ARHGAP28: variants seen among roughly 807,000 people sequenced by gnomAD.
ARHGAP28 encodes the protein Rho GTPase activating protein 28.
ARHGAP28 carries 56 observed loss-of-function variants against 90.7 expected under a neutral mutation model. The ratio of observed to expected loss-of-function variants is 0.62; its 90% CI spans 0.50 to 0.77. The LOEUF is 0.77. Ranked by LOEUF, ARHGAP28 falls within the 30% of genes least tolerant of loss-of-function variation. The pLI is 0.00. For missense variants in ARHGAP28, 869 were observed against 900.9 expected, an observed-to-expected ratio of 0.96 and a Z score of 0.45; for synonymous variants, 308 against 323.3, an observed-to-expected ratio of 0.95 and a Z score of 0.51.
chr18:6,774,640 T>G (rs182738981), intron 1 of ARHGAP28, among the ~76,000 whole-genome samples: 33 of 152,348 alleles, frequency 2.2e-4, no homozygotes, highest in Admixed American at 7.2e-4. Context: ...TACCTAATTT[T>G]AGAAAAATCT....
chr18:6,827,553 A>C (rs1445950011), intron 2 of ARHGAP28, among the ~76,000 whole-genome samples: 11 of 107,724 alleles, frequency 1.0e-4, no homozygotes, highest in Non-Finnish European at 1.3e-4. Context: ...TGACCCCCCC[A>C]CCTCCCTCCC....
intron 7 of ARHGAP28, among the ~76,000 whole-genome samples, chr18:6,871,825 C>T (rs1237206635): frequency 2.6e-5 from 4 of 152,116 alleles, no homozygotes; most frequent in Non-Finnish European, 5.9e-5. Context: ...AAAGGAAGAA[C>T]TCTAGGACTC....
chr18:6,848,669 G>A (rs1050854547), intron 3 of ARHGAP28, among the ~76,000 whole-genome samples: 5 of 152,152 alleles, frequency 3.3e-5, no homozygotes, highest in African/African-American at 1.2e-4. Context: ...TCTTGCGTTT[G>A]TCTCCCCTTG....
intron 1 of ARHGAP28, among the ~76,000 whole-genome samples, chr18:6,762,594 C>CAACATAT (rs1388346983): frequency 6.6e-6 from 1 of 152,014 alleles, no homozygotes; most frequent in African/African-American, 2.4e-5. Flanking sequence ...GTCTAATCCC[C>CAACATAT]AGTACCTCAG....
chr18:6,900,857 A>G (rs1266936614), intron 16 of ARHGAP28, among the ~76,000 whole-genome samples: 1 of 152,198 alleles, frequency 6.6e-6, no homozygotes, highest in East Asian at 1.9e-4. Context: ...CTAAACCAAA[A>G]TAGTATGATT....
In ARHGAP28 at chr18:6,804,351, A is replaced by C. The variant is rs80056223; in HGVS notation, c.123-20411A>C. On this transcript the variant is annotated intron_variant, in intron 1 of 17. Coordinates refer to ENST00000383472, the MANE Select transcript of ARHGAP28 (RefSeq NM_001366230.1). ...TCTTTTTCCTGATCCATCTGGATAA[A>C]GGTTTATTAATTGTATTGATCTTTT... 7.9e-5 allele frequency among the ~76,000 whole-genome samples: 12 copies of C among 152,256 alleles called. No homozygotes were observed. In the East Asian group the frequency reaches 1.4e-3, roughly 17 times the overall value.
chr18:6,814,611 A>G (rs542906414), intron 1 of ARHGAP28, among the ~76,000 whole-genome samples: 1 of 152,298 alleles, frequency 6.6e-6, no homozygotes, highest in African/African-American at 2.4e-5. Context: ...GGAGGGAGCT[A>G]GAAAGTCAAG....
intron 6 of ARHGAP28, 59 bp downstream of exon 6, chr18:6,868,293 T>C (rs2057054464): frequency 1.4e-6 from 2 of 1,438,840 alleles, no homozygotes; most frequent in Non-Finnish European, 2.0e-6. Flanking sequence ...GTTCTGGCAC[T>C]CAATACAGTT....
chr18:6,873,497 T>G lies in ARHGAP28; in HGVS notation c.1043T>G (p.Leu348Arg). 1 of 1,614,210 alleles carries G rather than the reference T, an allele frequency of 6.2e-7. No individual in the cohort carries two copies. The highest frequency in any genetic ancestry group is 8.5e-7 in the Non-Finnish European group (1 of 1,180,034). ...ATGAAGAAAATCCGCCATCTCTCTC[T>G]GATTGAATTGACTGCCTTTTTTGAT... ...EDMKKIRHLS[L>R]IELTAFFDAF... The change falls in exon 8 of 18, where the codon CTG (leucine) becomes CGG (arginine). Residue 348 changes from leucine to arginine, a missense_variant. Physicochemically the swap from Leu to Arg is moderately radical, Grantham distance 102 (BLOSUM62 -2). Coordinates refer to ENST00000383472, the MANE Select transcript of ARHGAP28 (RefSeq NM_001366230.1).
chr18:6,841,211 CT>C (rs1423218043), intron 3 of ARHGAP28, among the ~76,000 whole-genome samples: 1 of 116,220 alleles, frequency 8.6e-6, no homozygotes, highest in African/African-American at 4.2e-5. Flanking sequence ...CTCCTCTCCT[CT>C]CTCTCTCTCT....
intron 3 of ARHGAP28, among the ~76,000 whole-genome samples, chr18:6,839,439 G>GC (rs755848694): frequency 3.3e-5 from 5 of 151,912 alleles, no homozygotes; most frequent in African/African-American, 4.8e-5. Context: ...GACTATAGGC[G>GC]CCAGCCACCA....
chr18:6,869,613 A>G (rs1244817819), intron 6 of ARHGAP28, among the ~76,000 whole-genome samples: 1 of 151,962 alleles, frequency 6.6e-6, no homozygotes, highest in East Asian at 1.9e-4. Context: ...TTGTGTTTTT[A>G]ATTAGCATCA....
intron 1 of ARHGAP28, among the ~76,000 whole-genome samples, chr18:6,764,002 T>C (rs866178058): frequency 6.6e-6 from 1 of 152,310 alleles, no homozygotes; most frequent in Middle Eastern, 3.4e-3. Flanking sequence ...TTTTCTTCTA[T>C]CAAACTAAAG....
At chr18:6,812,320 G>T (rs2056562597) in intron 1 of ARHGAP28, among the ~76,000 whole-genome samples, 1 of 152,160 alleles carries the variant, frequency 6.6e-6, no homozygotes, top group Non-Finnish European at 1.5e-5. Flanking sequence ...GCAGCTTCTT[G>T]TTTTAAATAA....
At chr18:6,893,360 A>G (rs186872538) in intron 14 of ARHGAP28, among the ~76,000 whole-genome samples, 1 of 152,230 alleles carries the variant, frequency 6.6e-6, no homozygotes, top group Non-Finnish European at 1.5e-5. Flanking sequence ...ATGGAAAAGC[A>G]TAAGTAAAAA....
chr18:6,876,017 AGG>A, intron 9 of ARHGAP28, 112 bp from the exon 10 acceptor site: 1 of 839,424 alleles, frequency 1.2e-6, no homozygotes, highest in Non-Finnish European at 1.9e-6. Flanking sequence ...TTCAAGTGCC[AGG>A]CAAATATATA....
intron 5 of ARHGAP28, among the ~76,000 whole-genome samples, chr18:6,865,722 C>G (rs1366958613): frequency 2.6e-5 from 4 of 152,100 alleles, no homozygotes; most frequent in Non-Finnish European, 1.5e-5. Context: ...TAGGAGAAAA[C>G]TATAGCAGAT....
chr18:6,799,678 T>C (rs2056467915), intron 1 of ARHGAP28, among the ~76,000 whole-genome samples: 1 of 152,164 alleles, frequency 6.6e-6, no homozygotes, highest in African/African-American at 2.4e-5. Context: ...TAGCCAGCCA[T>C]ATGCAGAAAA....
intron 1 of ARHGAP28, 151 bp from the exon 2 acceptor site, chr18:6,824,611 G>C (rs2056648672): frequency 1.6e-6 from 1 of 618,334 alleles, no homozygotes; most frequent in Admixed American, 3.4e-5. Context: ...ACTGAGTGGA[G>C]ATTATTCCCT....
Sources: allele counts gnomAD v4.1 joint callset (sites outside exome capture counted in the v4.1 genomes callset), GRCh38; gene constraint gnomAD v4.1.1; transcripts MANE v1.5; gene names NCBI Gene and HGNC (gene_info 2026-07-23, HGNC 2026-07-21).